The following SH3PXD2B variants were observed in gnomAD, a reference collection of about 807,000 sequenced individuals.
The protein encoded by SH3PXD2B is SH3 and PX domains 2B, also known as SH3 and PX domain-containing protein 2B.
SH3PXD2B carries 37 observed loss-of-function variants against 73.1 expected under a neutral mutation model. The ratio of observed to expected loss-of-function variants is 0.51; its 90% CI spans 0.39 to 0.67. The LOEUF is 0.67. Among genes scored for constraint, SH3PXD2B ranks in the 30% least tolerant of loss-of-function variants. The pLI is 0.00. For missense variants in SH3PXD2B, 1,053 were observed against 1,197.8 expected (o/e 0.88, Z 1.78); for synonymous variants, 457 against 480.5 (o/e 0.95, Z 0.64).
intron 1 of SH3PXD2B, among the ~76,000 whole-genome samples, chr5:172,435,229 T>G (rs1759346409): frequency 6.6e-6 from 1 of 152,260 alleles, no homozygotes; most frequent in African/African-American, 2.4e-5. Flanking sequence ...TCCCCAGGTA[T>G]AGTAGACAGC....
chr5:172,416,147 G>A lies in SH3PXD2B; in HGVS notation c.156+6269C>T, dbSNP rs185751155. Among the ~76,000 whole-genome samples, 392 of 152,212 alleles carry A rather than the reference G, an allele frequency of 2.6e-3. 6 individuals carry two copies. The highest frequency in any genetic ancestry group is 5.7e-4 in the Non-Finnish European group (39 of 67,998). On this transcript the variant is annotated intron_variant, in intron 2 of 12. Coordinates refer to ENST00000311601, the MANE Select transcript of SH3PXD2B (RefSeq NM_001017995.3). Reference sequence around the variant, plus strand: ...GTTTGAGACCAGTCGGGGCAACAAAGCAAGACTCCGTCTCTACAAAAATTT... The same window carrying A: ...GTTTGAGACCAGTCGGGGCAACAAAACAAGACTCCGTCTCTACAAAAATTT...
chr5:172,333,715 A>G lies in SH3PXD2B; in HGVS notation c.*4654T>C. 1 of 1,289,464 alleles carries G rather than the reference A, an allele frequency of 7.8e-7. No homozygotes were observed. Among genetic ancestry groups the G allele is most frequent in the South Asian group, 1.2e-5 (1 of 81,020 alleles). 79.9% of individuals were successfully genotyped at this position (1,289,464 alleles called of 1,614,324 possible). ...CCAAGAGGGTAGAGTAAGTGTGGGG[A>G]TCTCCAGCGTCATCCTATGAGCAGA... On this transcript the variant is annotated 3_prime_UTR_variant, in exon 13 of 13. Coordinates refer to ENST00000311601, the MANE Select transcript of SH3PXD2B (RefSeq NM_001017995.3).
At chr5:172,360,806 G>C (rs1318986353) in intron 7 of SH3PXD2B, among the ~76,000 whole-genome samples, 1 of 152,106 alleles carries the variant, frequency 6.6e-6, no homozygotes, top group Non-Finnish European at 1.5e-5. Context: ...CATGCCAGCC[G>C]GGGCAACAGA....
chr5:172,393,193 A>G (rs1758227500), intron 4 of SH3PXD2B, among the ~76,000 whole-genome samples: 2 of 152,216 alleles, frequency 1.3e-5, no homozygotes, highest in African/African-American at 4.8e-5. Flanking sequence ...CTTCCAATCC[A>G]CAAGTATGGA....
Position 172,336,938 on chromosome 5 carries a change from C to T in SH3PXD2B, c.*1431G>A, listed in dbSNP as rs779499986. ...AAAAAAGAAAAAAACATTACAAATG[C>T]CGGAGAGGCACAGGAAGCAGCTCTG... On this transcript the variant is annotated 3_prime_UTR_variant, in exon 13 of 13. Transcript: ENST00000311601. 14 of 985,448 alleles carry T rather than the reference C, an allele frequency of 1.4e-5. No individual in the cohort carries two copies. The highest frequency in any genetic ancestry group is 1.7e-5 in the Non-Finnish European group (14 of 830,052). The allele number at this position is 985,448 out of a possible 1,614,324, so 61.0% of individuals were successfully genotyped here. A position where few individuals can be genotyped will look rare whatever the true frequency, so the allele number is the denominator to read the frequency against.
chr5:172,338,763 GGACCTCT>G lies in SH3PXD2B; in HGVS notation c.2335_2341del (p.Arg779HisfsTer70). 6.2e-7 allele frequency: 1 copy of G among 1,614,206 alleles called. No homozygotes were observed. The highest frequency in any genetic ancestry group is 8.5e-7 in the Non-Finnish European group (1 of 1,180,046). On this transcript the variant is annotated frameshift_variant, in exon 13 of 13. Transcript: ENST00000311601. LOFTEE classifies it low-confidence loss of function (END_TRUNC). This position sits in a 1 kb window ranked among gnomAD's most constrained non-coding sequence, Gnocchi z 5.1. ...CCTGCTTTCGTGGCCTTCACACTGT[GGACCTCT>G]GACCTCTGGGAGCGGCCTGGATGAC...
chr5:172,446,525 C>T (rs1378666649), intron 1 of SH3PXD2B, among the ~76,000 whole-genome samples: 2 of 152,124 alleles, frequency 1.3e-5, no homozygotes, highest in African/African-American at 2.4e-5. Context: ...GCTCTTTCTC[C>T]GAGGAAAAAA....
In SH3PXD2B at chr5:172,334,929, G is replaced by A; in HGVS notation, c.*3440C>T. The A allele has an allele frequency of 1.0e-6, 1 of 985,410 alleles. No homozygotes were observed. Among genetic ancestry groups the A allele is most frequent in the Non-Finnish European group, 1.2e-6 (1 of 829,936 alleles). The allele number at this position is 985,410 out of a possible 1,614,324, so 61.0% of individuals were successfully genotyped here. A position where few individuals can be genotyped will look rare whatever the true frequency, so the allele number is the denominator to read the frequency against. On this transcript the variant is annotated 3_prime_UTR_variant, in exon 13 of 13. Transcript: ENST00000311601. ...ACTTGGAAATTGATTCTATGGCGTGGCCTTGTGGCAGAGGTTTAAAATGAC... is the reference window on the plus strand; with the variant it reads ...ACTTGGAAATTGATTCTATGGCGTGACCTTGTGGCAGAGGTTTAAAATGAC...
chr5:172,357,880 T>C (rs1325335926), intron 8 of SH3PXD2B, among the ~76,000 whole-genome samples: 2 of 152,258 alleles, frequency 1.3e-5, no homozygotes, highest in African/African-American at 4.8e-5. Context: ...ATATGCTTTA[T>C]GTGGCTCCAT....
chr5:172,362,695 T>C (rs749529318), intron 7 of SH3PXD2B, 40 bp downstream of exon 7: 27 of 1,613,740 alleles, frequency 1.7e-5, no homozygotes, highest in Non-Finnish European at 2.2e-5. Context: ...AGGGGCTTGG[T>C]GGCAGGGTAG....
Position 172,379,060 on chromosome 5 carries a change from ACT to A in SH3PXD2B, c.401+2974_401+2975del, listed in dbSNP as rs1757882720. 3.2e-5 allele frequency among the ~76,000 whole-genome samples: 4 copies of A among 126,846 alleles called. No homozygotes were observed. In the South Asian group the frequency reaches 8.7e-4, roughly 28 times the overall value. 83.2% of individuals were successfully genotyped at this position (126,846 alleles called of 152,430 possible). ...ACTCCAACCTGGGTGATAGAGCAAG[ACT>A]CTGTCTCAAAAAAAAAAAAAAAAAA... On this transcript the variant is annotated intron_variant, in intron 5 of 12. Coordinates refer to ENST00000311601, the MANE Select transcript of SH3PXD2B (RefSeq NM_001017995.3).
chr5:172,356,308 C>G (rs139311564), intron 8 of SH3PXD2B, among the ~76,000 whole-genome samples: 34 of 152,298 alleles, frequency 2.2e-4, no homozygotes, highest in African/African-American at 8.2e-4. Context: ...CCAGATCCAG[C>G]TCTGCTTGAA....
At chr5:172,370,178 T>G (rs1376371277) in intron 6 of SH3PXD2B, among the ~76,000 whole-genome samples, 1 of 152,132 alleles carries the variant, frequency 6.6e-6, no homozygotes, top group Non-Finnish European at 1.5e-5. Context: ...CCTTATAAAT[T>G]TATAATCTTA....
At chr5:172,325,479 A>G in intron 12 of SH3PXD2B, 1 of 708,562 alleles carries the variant, frequency 1.4e-6, no homozygotes, top group African/African-American at 1.8e-5. Flanking sequence ...ATAACAGCAT[A>G]CCGCAGACTG....
At chr5:172,369,782 C>CT (rs1400068419) in intron 6 of SH3PXD2B, among the ~76,000 whole-genome samples, 1 of 151,944 alleles carries the variant, frequency 6.6e-6, no homozygotes, top group Non-Finnish European at 1.5e-5. Flanking sequence ...AACAAACAAA[C>CT]TAACAAAAAA....
intron 1 of SH3PXD2B, among the ~76,000 whole-genome samples, chr5:172,436,661 T>C (rs575828162): frequency 1.7e-4 from 26 of 152,218 alleles, no homozygotes; most frequent in African/African-American, 6.0e-4. Flanking sequence ...TACGAAACAG[T>C]AGAAGCCTGT....
intron 6 of SH3PXD2B, among the ~76,000 whole-genome samples, chr5:172,369,138 G>A (rs1396477327): frequency 4.0e-5 from 6 of 151,150 alleles, no homozygotes; most frequent in Admixed American, 4.0e-4. Flanking sequence ...CAGGTGATCT[G>A]CCCACCTTGG....
At chr5:172,344,039 T>C (rs1250812788) in intron 12 of SH3PXD2B, among the ~76,000 whole-genome samples, 2 of 151,866 alleles carry the variant, frequency 1.3e-5, no homozygotes, top group Admixed American at 1.3e-4. Context: ...GGGACTTCTG[T>C]GAAGATCAGT....
intron 9 of SH3PXD2B, among the ~76,000 whole-genome samples, chr5:172,352,891 C>G (rs544036581): frequency 2.6e-5 from 4 of 152,092 alleles, no homozygotes; most frequent in Non-Finnish European, 5.9e-5. Context: ...TAGACTAATA[C>G]ACTATTACTA....
Sources: gnomAD v4.1 joint callset for allele counts (sites outside exome capture counted in the v4.1 genomes callset) on GRCh38, gnomAD v4.1.1 for gene constraint, Gnocchi (gnomAD v3.1) non-coding constraint, MANE v1.5 for transcripts, NCBI Gene and HGNC (gene_info 2026-07-23, HGNC 2026-07-21) for gene names.